MAGOHB: variants seen among roughly 807,000 people sequenced by gnomAD.
The protein encoded by MAGOHB is mago homolog B, exon junction complex subunit.
MAGOHB carries 15 observed loss-of-function variants against 20.9 expected under a neutral mutation model. The ratio of observed to expected loss-of-function variants is 0.72; its 90% CI spans 0.48 to 1.11. The LOEUF is 1.11. Among genes scored for constraint, MAGOHB ranks in the 50% least tolerant of loss-of-function variants. The pLI is 0.00. For synonymous variants in MAGOHB, 50 were observed against 57.9 expected (o/e 0.86, Z 0.62); for missense variants, 162 against 177.6 (o/e 0.91, Z 0.50).
chr12:10,609,607 C>G lies in MAGOHB; in HGVS notation c.264+224G>C, dbSNP rs1332327348. ...ATCCTAACGTTGGCTGGGGTGACTACAGAGAAAGATGTCTAAATTTAGAGC... is the reference window on the plus strand; with the variant it reads ...ATCCTAACGTTGGCTGGGGTGACTAGAGAGAAAGATGTCTAAATTTAGAGC... On this transcript the variant is annotated intron_variant, in intron 3 of 4. Coordinates refer to ENST00000320756, the MANE Select transcript of MAGOHB (RefSeq NM_018048.5). The G allele has an allele frequency of 1.3e-5, 7 of 533,262 alleles. No individual in the cohort carries two copies. In the East Asian group the frequency reaches 2.2e-4, roughly 17 times the overall value. 33.0% of individuals were successfully genotyped at this position (533,262 alleles called of 1,614,324 possible).
downstream of MAGOHB, among the ~76,000 whole-genome samples, chr12:10,603,507 G>C (rs1364702269): frequency 6.6e-6 from 1 of 151,548 alleles, no homozygotes; most frequent in Admixed American, 6.6e-5. Context: ...CCAAACAAGA[G>C]GGCCACCTCA....
chr12:10,607,451 T>C (rs533160500), intron 4 of MAGOHB, among the ~76,000 whole-genome samples: 2 of 152,278 alleles, frequency 1.3e-5, no homozygotes, highest in African/African-American at 4.8e-5. Context: ...TAAAGCATAC[T>C]TAGGCCATAA....
chr12:10,610,250 A>T (rs1420643972), intron 2 of MAGOHB, among the ~76,000 whole-genome samples: 5 of 152,204 alleles, frequency 3.3e-5, no homozygotes, highest in African/African-American at 1.2e-4. Flanking sequence ...CAAGATCTAT[A>T]AGGTGAACTG....
chr12:10,609,801 T>C (rs1405586297), intron 3 of MAGOHB, 30 bp downstream of exon 3: 1 of 1,326,174 alleles, frequency 7.5e-7, no homozygotes. Flanking sequence ...TTTTAATATT[T>C]ATACACTTAA....
At chr12:10,612,329 G>GC (rs1865763060) in intron 1 of MAGOHB, among the ~76,000 whole-genome samples, 1 of 151,978 alleles carries the variant, frequency 6.6e-6, no homozygotes, top group East Asian at 1.9e-4. Context: ...ACTAGGGAGG[G>GC]GGAGGTTGCA....
intron 1 of MAGOHB, chr12:10,612,847 G>C: frequency 7.8e-7 from 1 of 1,289,062 alleles, no homozygotes; most frequent in Non-Finnish European, 1.0e-6. Flanking sequence ...CTGGAAGTCT[G>C]TTTTTTTCTC....
At position 10,613,442 on chromosome 12, in the gene MAGOHB, C is replaced by G; in HGVS notation, c.91G>C (p.Asp31His). Residue 31 changes from aspartate (D) to histidine (H), a missense_variant, in exon 1 of 5, where the codon GAC becomes CAC. Physicochemically the swap from Asp to His is moderately conservative, Grantham distance 81. Coordinates refer to ENST00000320756, the MANE Select transcript of MAGOHB (RefSeq NM_018048.5). ...HEFLEFEFRPDGKLRYANNSN... is the reference protein window; with the variant it reads ...HEFLEFEFRPHGKLRYANNSN... ...CGTGCCGTGGGCCTCTTCTCACCGT[C>G]CGGCCGAAATTCGAACTCCAGAAAC... 3.1e-6 allele frequency: 5 copies of G among 1,614,096 alleles called. No homozygotes were observed. Among genetic ancestry groups the G allele is most frequent in the Non-Finnish European group, 4.2e-6 (5 of 1,179,946 alleles).
chr12:10,610,366 G>A (rs1259794074), intron 2 of MAGOHB, among the ~76,000 whole-genome samples: 2 of 152,120 alleles, frequency 1.3e-5, no homozygotes, highest in South Asian at 2.1e-4. Flanking sequence ...GTAACAGAGC[G>A]AGACTCTGTC....
chr12:10,611,750 A>AC (rs1219245642), intron 1 of MAGOHB, among the ~76,000 whole-genome samples: 82 of 131,996 alleles, frequency 6.2e-4, no homozygotes, highest in African/African-American at 1.8e-3. Flanking sequence ...TCTGTCTCAA[A>AC]AAAAAAAAAA....
At chr12:10,610,161 T>C (rs1865697533) in intron 2 of MAGOHB, among the ~76,000 whole-genome samples, 1 of 152,220 alleles carries the variant, frequency 6.6e-6, no homozygotes, top group African/African-American at 2.4e-5. Context: ...TTCTCATCAT[T>C]ACCTGTCTTT....
rs187659045 is a variant in MAGOHB, at chr12:10,612,560, T to C, written c.94+879A>G. 166 of 581,184 alleles carry C rather than the reference T, an allele frequency of 2.9e-4. 2 individuals carry two copies. In the South Asian group the frequency reaches 4.9e-3, roughly 17 times the overall value. 36.0% of individuals were successfully genotyped at this position (581,184 alleles called of 1,614,324 possible). On this transcript the variant is annotated intron_variant, in intron 1 of 4. Transcript: ENST00000320756. ...GCCTGCTTATAGGACTTAATATGCATACTGCTTTATAGTTAAATGTCTGTG... is the reference window on the plus strand; with the variant it reads ...GCCTGCTTATAGGACTTAATATGCACACTGCTTTATAGTTAAATGTCTGTG...
At chr12:10,607,269 C>T (rs1057149127) in intron 4 of MAGOHB, among the ~76,000 whole-genome samples, 1 of 152,078 alleles carries the variant, frequency 6.6e-6, no homozygotes, top group Non-Finnish European at 1.5e-5. Flanking sequence ...GTAAAGCAGA[C>T]AAATAGGTTA....
rs551358045 is a variant in MAGOHB at position 10,609,698 on chromosome 12, G to C, written c.264+133C>G. The C allele has an allele frequency of 3.5e-5, 22 of 622,002 alleles. 1 individual carries two copies. The Middle Eastern group carries it at 2.1e-3, about 61-fold the overall frequency. 38.5% of individuals were successfully genotyped at this position (622,002 alleles called of 1,614,324 possible). A position where few individuals can be genotyped will look rare whatever the true frequency, so the allele number is the denominator to read the frequency against. On this transcript the variant is annotated intron_variant, in intron 3 of 4. Coordinates refer to ENST00000320756, the MANE Select transcript of MAGOHB (RefSeq NM_018048.5). ...AACAGAACTAAGAGATAAAATTAAAGAGAATTTACCAGGTGCCTATTAAAT... is the reference window on the plus strand; with the variant it reads ...AACAGAACTAAGAGATAAAATTAAACAGAATTTACCAGGTGCCTATTAAAT...
At chr12:10,608,657 G>A (rs973680411) in intron 3 of MAGOHB, 1 of 147,984 alleles carries the variant, frequency 6.8e-6, no homozygotes, top group Non-Finnish European at 1.5e-5. Context: ...TGTAATTACT[G>A]TATAGATTTT....
In MAGOHB at chr12:10,610,666, C is replaced by T; in HGVS notation, c.109G>A (p.Ala37Thr). The T allele has an allele frequency of 6.3e-7, 1 of 1,575,296 alleles. No individual in the cohort carries two copies. The highest frequency in any genetic ancestry group is 1.2e-5 in the South Asian group (1 of 83,750). ...EFRPDGKLRY[A>T]NNSNYKNDVM... The stretch of plus-strand genomic sequence containing the variant: ...TCATTTTTGTAATTGCTGTTGTTGG[C>T]ATATCTAAGCTTTCCTGTGGGAAGT... The change falls in exon 2 of 5, where the codon GCC becomes ACC. Residue 37 changes from alanine to threonine, a missense_variant. Coordinates refer to ENST00000320756, the MANE Select transcript of MAGOHB (RefSeq NM_018048.5).
chr12:10,601,367 T>C (rs1865553543), downstream of MAGOHB, among the ~76,000 whole-genome samples: 1 of 152,234 alleles, frequency 6.6e-6, no homozygotes, highest in African/African-American at 2.4e-5. Flanking sequence ...TTATTGCTAA[T>C]TCTTCATTCC....
At position 10,606,203 on chromosome 12, in the gene MAGOHB, C is replaced by T; in HGVS notation, c.*72G>A. ...TGTTTGCTTCACATTCATAAAAACC[C>T]CAATACTGTAAATGACAAATAACCC... On this transcript the variant is annotated 3_prime_UTR_variant, in exon 5 of 5. Transcript: ENST00000320756. 2 of 825,896 alleles carry T rather than the reference C, an allele frequency of 2.4e-6. No individual in the cohort carries two copies. The highest frequency in any genetic ancestry group is 3.7e-6 in the Non-Finnish European group (2 of 533,478). 51.2% of individuals were successfully genotyped at this position (825,896 alleles called of 1,614,324 possible). A position where few individuals can be genotyped will look rare whatever the true frequency, so the allele number is the denominator to read the frequency against.
At chr12:10,608,068 G>T (rs1865661319) in intron 3 of MAGOHB, 132 bp from the exon 4 acceptor site, 2 of 570,642 alleles carry the variant, frequency 3.5e-6, no homozygotes, top group Admixed American at 3.7e-5. Context: ...GGGGGCGAGG[G>T]GGAAAGAAAC....
At position 10,604,922 on chromosome 12, in the gene MAGOHB, GCTAC is replaced by G. The variant is rs1006969588; in HGVS notation, c.*1349_*1352del. On this transcript the variant is annotated 3_prime_UTR_variant, in exon 5 of 5. Coordinates refer to ENST00000320756, the MANE Select transcript of MAGOHB (RefSeq NM_018048.5). ...CCAAACGGTAGCCGCTAGACACGTG[GCTAC>G]CTAAATTTAATCAAAATTAAATAGC... The G allele has an allele frequency of 1.8e-4, 28 of 152,004 alleles. No homozygotes were observed. Among genetic ancestry groups the G allele is most frequent in the African/African-American group, 6.5e-4 (27 of 41,380 alleles). The allele number at this position is 152,004 out of a possible 1,614,324, so 9.4% of individuals were successfully genotyped here. A position where few individuals can be genotyped will look rare whatever the true frequency, so the allele number is the denominator to read the frequency against.
Sources: gnomAD v4.1 joint callset for allele counts (sites outside exome capture counted in the v4.1 genomes callset) on GRCh38, gnomAD v4.1.1 for gene constraint, MANE v1.5 for transcripts, NCBI Gene and HGNC (gene_info 2026-07-23, HGNC 2026-07-21) for gene names.